The following DCLRE1C variants were observed in gnomAD, a reference collection of about 807,000 sequenced individuals.
DCLRE1C encodes protein artemis.
A neutral mutation model predicts 61.4 loss-of-function variants in DCLRE1C; 47 were observed. The ratio of observed to expected loss-of-function variants is 0.77; its 90% CI spans 0.61 to 0.98. The LOEUF (loss-of-function observed/expected upper bound fraction) is 0.98, where lower values mean the gene tolerates loss of function less well. Among genes scored for constraint, DCLRE1C ranks in the 50% least tolerant of loss-of-function variants. DCLRE1C has a pLI of 0.00. For synonymous variants in DCLRE1C, 337 were observed against 287.6 expected, an observed-to-expected ratio of 1.17 and a Z score of -1.74; for missense variants, 858 against 816.0, an observed-to-expected ratio of 1.05 and a Z score of -0.63.
intron 9 of DCLRE1C, among the ~76,000 whole-genome samples, chr10:14,930,278 C>CTTTT (rs60565089): frequency 2.0e-4 from 17 of 85,726 alleles, no homozygotes; most frequent in East Asian, 4.1e-4. Flanking sequence ...CACTCAGCAC[C>CTTTT]TTTTTTTTTT....
At chr10:14,954,348 GA>G (rs1442985263), upstream of DCLRE1C, 1 of 418,266 alleles carries the variant, frequency 2.4e-6, no homozygotes, top group Non-Finnish European at 4.5e-6. Flanking sequence ...CGCGGGAAGG[GA>G]AATCGAAACT....
chr10:14,938,046 T>A (rs905248280), intron 4 of DCLRE1C, among the ~76,000 whole-genome samples: 6 of 138,802 alleles, frequency 4.3e-5, no homozygotes, highest in African/African-American at 2.0e-4. Flanking sequence ...ACACACCAGG[T>A]CACTGCTCAG....
Position 14,945,124 on chromosome 10 carries a change from C to A in DCLRE1C, c.227G>T (p.Arg76Ile), listed in dbSNP as rs41296438. ...KELLLTSPKY[R>I]FWKKRIISIE... ...ACTTACAATTCGTTTCTTCCAAAAT[C>A]TGTATTTCGGGCTCGTTAACAACAA... Residue 76 changes from arginine to isoleucine, a missense_variant, in exon 3 of 14, where the codon AGA becomes ATA. Transcript: ENST00000378278. 1 of 1,612,342 alleles carries A rather than the reference C, an allele frequency of 6.2e-7. No individual in the cohort carries two copies. Among genetic ancestry groups the A allele is most frequent in the African/African-American group, 1.3e-5 (1 of 74,946 alleles).
chr10:14,915,192 G>A (rs1316494345), intron 13 of DCLRE1C, among the ~76,000 whole-genome samples: 1 of 151,926 alleles, frequency 6.6e-6, no homozygotes, highest in Non-Finnish European at 1.5e-5. Context: ...TAGAAAATAA[G>A]GTCTCAAATC....
intron 13 of DCLRE1C, among the ~76,000 whole-genome samples, chr10:14,912,036 C>T (rs1351580951): frequency 6.6e-6 from 1 of 152,176 alleles, no homozygotes; most frequent in African/African-American, 2.4e-5. Flanking sequence ...AGTGTTAAAA[C>T]AGATTGACCA....
chr10:14,926,655 A>G (rs1350455229), intron 11 of DCLRE1C, among the ~76,000 whole-genome samples, 188 bp downstream of exon 11: 1 of 145,006 alleles, frequency 6.9e-6, no homozygotes, highest in Non-Finnish European at 1.5e-5. Flanking sequence ...CACTGTCTCA[A>G]CCAAAAAAAA....
intron 12 of DCLRE1C, among the ~76,000 whole-genome samples, chr10:14,922,667 G>A (rs1024986853): frequency 6.6e-6 from 1 of 151,998 alleles, no homozygotes; most frequent in African/African-American, 2.4e-5. Context: ...CCAACAAGTA[G>A]GCATCAATAT....
rs575678692 is a variant in DCLRE1C at position 14,908,659 on chromosome 10, T to C, written c.1828A>G (p.Lys610Glu). 99 of 1,614,192 alleles carry C rather than the reference T, an allele frequency of 6.1e-5. 2 individuals carry two copies. The South Asian group carries it at 1.0e-3, about 17-fold the overall frequency. ...GTACTAGGAACTATTGTCACATCTTTATCTCTGCTTTTCAAATCAGAGTAA... is the reference window on the plus strand; with the variant it reads ...GTACTAGGAACTATTGTCACATCTTCATCTCTGCTTTTCAAATCAGAGTAA... ...DTYSDLKSRD[K>E]DVTIVPSTGE... The change falls in exon 14 of 14, where the codon AAA (lysine) becomes GAA (glutamate). Residue 610 changes from lysine (K) to glutamate (E), a missense_variant. Transcript: ENST00000378278.
At chr10:14,924,614 C>T (rs774623795) in intron 11 of DCLRE1C, among the ~76,000 whole-genome samples, 2 of 151,970 alleles carry the variant, frequency 1.3e-5, no homozygotes, top group Non-Finnish European at 2.9e-5. Context: ...TTTGGGAGGC[C>T]GAGCCGGGTG....
rs1194135971 is a variant in DCLRE1C at position 14,935,485 on chromosome 10, C to A, written c.442G>T (p.Glu148Ter). Residue 148 changes from glutamate (E) to a stop codon, truncating the protein, a stop_gained, in exon 6 of 14, where the codon GAG (glutamate) becomes TAG (stop). Coordinates refer to ENST00000378278, the MANE Select transcript of DCLRE1C (RefSeq NM_001033855.3). LOFTEE classifies it high-confidence loss of function. ...TACCTGCCCCCGGAGTGCAGAAGCT[C>A]CATTCTAGCAGCTTCTCCTTGCGCC... The part of the protein sequence containing the change: ...RLAQGEAARM[E>*]LLHSGGRVKD... 6.2e-7 allele frequency: 1 copy of A among 1,613,934 alleles called. No individual in the cohort carries two copies. The highest frequency in any genetic ancestry group is 8.5e-7 in the Non-Finnish European group (1 of 1,179,972).
chr10:14,945,977 T>TTA (rs1554798299), intron 2 of DCLRE1C, among the ~76,000 whole-genome samples: 1 of 144,530 alleles, frequency 6.9e-6, no homozygotes, highest in African/African-American at 2.6e-5. Flanking sequence ...TTTTTTTTTT[T>TTA]AATGAACAGA....
At chr10:14,916,299 A>T (rs990048836) in intron 13 of DCLRE1C, among the ~76,000 whole-genome samples, 2 of 152,198 alleles carry the variant, frequency 1.3e-5, no homozygotes, top group African/African-American at 4.8e-5. Flanking sequence ...AACTGTCTAT[A>T]TACACAAACA....
downstream of DCLRE1C, among the ~76,000 whole-genome samples, chr10:14,901,995 TCTTTC>T (rs1308265526): frequency 1.3e-5 from 2 of 152,258 alleles, no homozygotes; most frequent in African/African-American, 4.8e-5. Context: ...ATAAATGTTT[TCTTTC>T]CTTTAAGAAT....
In DCLRE1C at chr10:14,928,006, G is replaced by T; in HGVS notation, c.917+10C>A. The T allele has an allele frequency of 6.2e-7, 1 of 1,613,312 alleles. No homozygotes were observed. Among genetic ancestry groups the T allele is most frequent in the Middle Eastern group, 1.7e-4 (1 of 6,052 alleles). Reference sequence around the variant, plus strand: ...TTTCTCTCAGAAGACCTATGATATTGCTCTCTTACCTCACAATTACATTTG... The same window carrying T: ...TTTCTCTCAGAAGACCTATGATATTTCTCTCTTACCTCACAATTACATTTG... On this transcript the variant is annotated intron_variant, in intron 10 of 13. Transcript: ENST00000378278.
chr10:14,932,528 T>C (rs1839187425), intron 9 of DCLRE1C, among the ~76,000 whole-genome samples: 2 of 151,212 alleles, frequency 1.3e-5, no homozygotes, highest in Non-Finnish European at 3.0e-5. Flanking sequence ...TCCCAGCTAC[T>C]CAGGAGGCTG....
Position 14,908,460 on chromosome 10 carries a change from G to A in DCLRE1C, c.2027C>T (p.Thr676Ile). ...TTTTTTGACTGCTATACTCTCACCA[G>A]TTGCCAGCTTCTCATATAAATATTG... is the stretch of plus-strand genomic sequence containing the variant. ...HLQYLYEKLA[T>I]GESIAVKKRK... is the part of the protein sequence containing the mutation. Residue 676 changes from threonine to isoleucine, a missense_variant, in exon 14 of 14, where the codon ACT (threonine) becomes ATT (isoleucine). Thr to Ile is a moderately conservative substitution (Grantham distance 89). This residue lies in a region of DCLRE1C where 843 missense variants were observed against 783.5 expected (regional missense o/e 1.08). Coordinates refer to ENST00000378278, the MANE Select transcript of DCLRE1C (RefSeq NM_001033855.3). 6.2e-7 allele frequency: 1 copy of A among 1,613,918 alleles called. No homozygotes were observed. The highest frequency in any genetic ancestry group is 8.5e-7 in the Non-Finnish European group (1 of 1,179,974).
In DCLRE1C at chr10:14,908,728, G is replaced by C. The variant is rs1834739073; in HGVS notation, c.1759C>G (p.Pro587Ala). The C allele has an allele frequency of 5.6e-6, 9 of 1,614,074 alleles. No individual in the cohort carries two copies. The highest frequency in any genetic ancestry group is 7.6e-6 in the Non-Finnish European group (9 of 1,180,040). ...ACATTTTGTTCCATGAGAGAGGCAGGAATATTCTCTTTGATTGTTGGTCTG... is the reference window on the plus strand; with the variant it reads ...ACATTTTGTTCCATGAGAGAGGCAGCAATATTCTCTTTGATTGTTGGTCTG... ...DYRPTIKENI[P>A]ASLMEQNVIC... Residue 587 changes from proline to alanine, a missense_variant, in exon 14 of 14, where the codon CCT (proline) becomes GCT (alanine). Physicochemically the swap from Pro to Ala is conservative, Grantham distance 27. Transcript: ENST00000378278.
At chr10:14,950,441 A>G (rs1333983522) in intron 1 of DCLRE1C, among the ~76,000 whole-genome samples, 5 of 151,706 alleles carry the variant, frequency 3.3e-5, no homozygotes, top group Non-Finnish European at 5.9e-5. Context: ...CACCACACAC[A>G]CACACAAGCA....
intron 12 of DCLRE1C, 63 bp downstream of exon 12, chr10:14,922,918 C>T: frequency 2.6e-6 from 3 of 1,166,806 alleles, no homozygotes; most frequent in South Asian, 1.2e-5. Flanking sequence ...GCAAACTCTC[C>T]TTTGTGTCCT....
Sources: allele counts gnomAD v4.1 joint callset (sites outside exome capture counted in the v4.1 genomes callset), GRCh38; gene constraint gnomAD v4.1.1; regional missense constraint gnomAD v4.1.1; transcripts MANE v1.5; gene names NCBI Gene and HGNC (gene_info 2026-07-23, HGNC 2026-07-21).